The following FRMD4B variants were observed in gnomAD, a reference collection of about 807,000 sequenced individuals.
FRMD4B encodes FERM domain containing 4B.
In FRMD4B, 74 loss-of-function variants were observed where a neutral mutation model predicts 141.5. The ratio of observed to expected loss-of-function variants is 0.52; its 90% CI spans 0.43 to 0.63. FRMD4B has a LOEUF of 0.63. FRMD4B is among the 30% of genes least tolerant of loss of function. The pLI is 0.00. For missense variants in FRMD4B, 1,366 were observed against 1,253.4 expected (o/e 1.09, Z -1.36); for synonymous variants, 506 against 467.9 (o/e 1.08, Z -1.05).
At chr3:69,180,442 C>A (rs1204863640) in intron 21 of FRMD4B, among the ~76,000 whole-genome samples, 1 of 151,996 alleles carries the variant, frequency 6.6e-6, no homozygotes, top group Non-Finnish European at 1.5e-5. Context: ...CTAATGTTTT[C>A]TGCTTACCTG....
At chr3:69,375,303 ATCCATCCT>A (rs1559836780) in intron 1 of FRMD4B, among the ~76,000 whole-genome samples, 10 of 146,764 alleles carry the variant, frequency 6.8e-5, no homozygotes, top group African/African-American at 2.0e-4. Context: ...CCATCCATCC[ATCCATCCT>A]TCCTTCCATC....
chr3:69,243,977 C>T (rs1362444124), intron 7 of FRMD4B, among the ~76,000 whole-genome samples: 5 of 152,006 alleles, frequency 3.3e-5, no homozygotes, highest in South Asian at 2.1e-4. Flanking sequence ...ACCCGGGAGG[C>T]GGAGGTTGCT....
At chr3:69,214,421 G>A (rs927293318) in intron 11 of FRMD4B, among the ~76,000 whole-genome samples, 2 of 152,268 alleles carry the variant, frequency 1.3e-5, no homozygotes, top group East Asian at 1.9e-4. Context: ...CAGGGAGAGT[G>A]GCAAAACCAA....
intron 2 of FRMD4B, among the ~76,000 whole-genome samples, chr3:69,428,251 T>G (rs897778323): frequency 5.9e-5 from 9 of 151,590 alleles, no homozygotes; most frequent in East Asian, 2.0e-4. Context: ...TGCATCTCAC[T>G]AGCTGTGTGA....
chr3:69,233,557 T>G (rs1341741057), intron 7 of FRMD4B, among the ~76,000 whole-genome samples: 1 of 152,114 alleles, frequency 6.6e-6, no homozygotes, highest in Non-Finnish European at 1.5e-5. Context: ...CTCAAAATCC[T>G]TATTTCAGAA....
intron 5 of FRMD4B, among the ~76,000 whole-genome samples, chr3:69,271,716 T>C (rs931321313): frequency 6.6e-6 from 1 of 152,202 alleles, no homozygotes; most frequent in Non-Finnish European, 1.5e-5. Context: ...CTCATGCCTG[T>C]AATCCCAGCA....
In FRMD4B at chr3:69,169,484, A is replaced by C. The variant is rs1416235773; in HGVS notation, c.*2377T>G. Among the ~76,000 whole-genome samples the C allele has an allele frequency of 6.6e-6, 1 of 151,626 alleles. No individual in the cohort carries two copies. Among genetic ancestry groups the C allele is most frequent in the African/African-American group, 2.4e-5 (1 of 41,230 alleles). On this transcript the variant is annotated 3_prime_UTR_variant, in exon 23 of 23. Coordinates refer to ENST00000398540, the MANE Select transcript of FRMD4B (RefSeq NM_015123.3). ...GATATCCTCCCAACTCAGCCTCCCA[A>C]GTAGCTGAGATTACAGGCACACATC...
At chr3:69,374,867 T>C (rs902493384) in intron 1 of FRMD4B, among the ~76,000 whole-genome samples, 3 of 152,136 alleles carry the variant, frequency 2.0e-5, no homozygotes, top group African/African-American at 7.2e-5. Context: ...GAGGAATGAG[T>C]CAAGGCTTCT....
At chr3:69,445,758 G>T (rs889526646) in intron 1 of FRMD4B, among the ~76,000 whole-genome samples, 9 of 152,060 alleles carry the variant, frequency 5.9e-5, no homozygotes, top group Non-Finnish European at 8.8e-5. Flanking sequence ...CTCATAATTC[G>T]AATTCAACTC....
chr3:69,229,015 GTTTTTTT>G (rs58912710), intron 7 of FRMD4B, among the ~76,000 whole-genome samples: 1 of 120,984 alleles, frequency 8.3e-6, no homozygotes, highest in Non-Finnish European at 1.7e-5. Context: ...TCAAAATCAT[GTTTTTTT>G]TTTTTTTTTT....
intron 1 of FRMD4B, among the ~76,000 whole-genome samples, chr3:69,346,062 G>A (rs569701115): frequency 1.3e-5 from 2 of 152,066 alleles, no homozygotes; most frequent in Non-Finnish European, 2.9e-5. Context: ...TGAACCCATC[G>A]CAAAGAAGCT....
chr3:69,270,589 C>T (rs1015387470), intron 5 of FRMD4B, among the ~76,000 whole-genome samples: 13 of 130,322 alleles, frequency 1.0e-4, no homozygotes, highest in South Asian at 7.9e-4. Flanking sequence ...TTTTTTGAGA[C>T]GGAGTCTCGC....
intron 5 of FRMD4B, among the ~76,000 whole-genome samples, chr3:69,256,563 G>C (rs540515789): frequency 6.6e-6 from 1 of 152,080 alleles, no homozygotes; most frequent in African/African-American, 2.4e-5. Context: ...CAAGTGATTC[G>C]CCTGCCTTGG....
chr3:69,502,987 A>G (rs1262547213), intron 1 of FRMD4B, among the ~76,000 whole-genome samples: 1 of 152,244 alleles, frequency 6.6e-6, no homozygotes, highest in African/African-American at 2.4e-5. Flanking sequence ...ACAATGAGAC[A>G]GCATCTCATA....
chr3:69,311,409 G>A (rs1449433783), intron 2 of FRMD4B, 52 bp from the exon 3 acceptor site: 6 of 809,632 alleles, frequency 7.4e-6, no homozygotes, highest in South Asian at 1.4e-5. Flanking sequence ...CTCTCTTACT[G>A]CTACCACCTT....
intron 2 of FRMD4B, among the ~76,000 whole-genome samples, chr3:69,416,514 C>G (rs1350743772): frequency 6.6e-6 from 1 of 152,162 alleles, no homozygotes; most frequent in Non-Finnish European, 1.5e-5. Flanking sequence ...GCTCAAAAAC[C>G]TCAAATGCAA....
At chr3:69,342,337 T>C (rs1346953282) in intron 1 of FRMD4B, among the ~76,000 whole-genome samples, 1 of 152,228 alleles carries the variant, frequency 6.6e-6, no homozygotes, top group African/African-American at 2.4e-5. Flanking sequence ...AGTGATCTCA[T>C]GTGTCCAAAT....
chr3:69,275,261 T>C (rs2093612446), intron 5 of FRMD4B, among the ~76,000 whole-genome samples: 1 of 152,174 alleles, frequency 6.6e-6, no homozygotes, highest in Non-Finnish European at 1.5e-5. Context: ...TTAATAAGCA[T>C]TACCTTTAAC....
chr3:69,270,569 C>CTTTTTTTTTTTT (rs57693333), intron 5 of FRMD4B, among the ~76,000 whole-genome samples: 23 of 144,786 alleles, frequency 1.6e-4, no homozygotes, highest in South Asian at 4.4e-4. Context: ...TTCTTTTTTT[C>CTTTTTTTTTTTT]TTTTTTTTTT....
Sources: gnomAD v4.1 joint callset for allele counts (sites outside exome capture counted in the v4.1 genomes callset) on GRCh38, gnomAD v4.1.1 for gene constraint, MANE v1.5 for transcripts, NCBI Gene and HGNC (gene_info 2026-07-23, HGNC 2026-07-21) for gene names.